Variants in PDE4D observed in about 807,000 individuals in gnomAD.
The protein encoded by PDE4D is phosphodiesterase 4D, also known as 3',5'-cyclic-AMP phosphodiesterase 4D.
In PDE4D, 24 loss-of-function variants were observed where a neutral mutation model predicts 87.4. The ratio of observed to expected loss-of-function variants is 0.27; its 90% CI spans 0.20 to 0.39. The LOEUF is 0.39. PDE4D is among the 10% of genes least tolerant of loss of function. The pLI, the probability that PDE4D is intolerant of heterozygous loss-of-function variation, is 1.00. For synonymous variants in PDE4D, 384 were observed against 383.2 expected (o/e 1.00, Z -0.02); for missense variants, 714 against 1,041.0 (o/e 0.69, Z 4.32).
At chr5:60,050,749 T>C (rs959551582) in intron 2 of PDE4D, among the ~76,000 whole-genome samples, 2 of 152,090 alleles carry the variant, frequency 1.3e-5, no homozygotes, top group African/African-American at 4.8e-5. Context: ...GCAAATTGGA[T>C]AAAGAGGCAA....
At chr5:60,011,209 C>T (rs543975709) in intron 2 of PDE4D, among the ~76,000 whole-genome samples, 4 of 152,130 alleles carry the variant, frequency 2.6e-5, no homozygotes, top group Non-Finnish European at 5.9e-5. Flanking sequence ...TGGACAGCTC[C>T]TCCTAAGTGG....
At position 59,530,988 on chromosome 5, in the gene PDE4D, T is replaced by C. The variant is rs184611664; in HGVS notation, c.456-315020A>G. On this transcript the variant is annotated intron_variant, in intron 1 of 14. Transcript: ENST00000340635. ...AAGTGATTGTAAGAATTCATCTTCT[T>C]TGAATACGGTGTATTGAATTTCTTA... Among the ~76,000 whole-genome samples the C allele has an allele frequency of 3.3e-5, 5 of 152,326 alleles. No homozygotes were observed. The East Asian group carries it at 9.6e-4, about 29-fold the overall frequency.
intron 1 of PDE4D, among the ~76,000 whole-genome samples, chr5:59,716,593 G>A (rs1292762277): frequency 6.6e-6 from 1 of 152,142 alleles, no homozygotes; most frequent in Non-Finnish European, 1.5e-5. Flanking sequence ...TCTGGTCACG[G>A]ACCTCAAAGA....
At chr5:59,613,465 T>A (rs1829255403) in intron 1 of PDE4D, among the ~76,000 whole-genome samples, 1 of 152,042 alleles carries the variant, frequency 6.6e-6, no homozygotes, top group Non-Finnish European at 1.5e-5. Flanking sequence ...GACTTTGAAG[T>A]CTTGTGATTA....
chr5:59,802,553 C>T (rs2152667654), intron 1 of PDE4D, among the ~76,000 whole-genome samples: 1 of 151,986 alleles, frequency 6.6e-6, no homozygotes, highest in East Asian at 1.9e-4. Flanking sequence ...TGCAAACCAC[C>T]ACGCTCAGCT....
At position 60,317,908 on chromosome 5, in the gene PDE4D, A is replaced by G. The variant is rs563775523; in HGVS notation, c.-89-132221T>C. On this transcript the variant is annotated intron_variant, in intron 1 of 16. Transcript: ENST00000502484. Reference sequence around the variant, plus strand: ...TTGCTAAGGAGAGCTTTACTTCCAAATATGTGGTCAATTTTGGAATAAGTG... The same window carrying G: ...TTGCTAAGGAGAGCTTTACTTCCAAGTATGTGGTCAATTTTGGAATAAGTG... Among the ~76,000 whole-genome samples the G allele has an allele frequency of 7.5e-4, 114 of 152,246 alleles. No individual in the cohort carries two copies. In the Middle Eastern group the frequency reaches 0.017, roughly 23 times the overall value.
At chr5:60,006,444 C>G (rs958177150) in intron 2 of PDE4D, among the ~76,000 whole-genome samples, 3 of 151,746 alleles carry the variant, frequency 2.0e-5, no homozygotes, top group Non-Finnish European at 4.4e-5. Context: ...GGTATCCCTG[C>G]AAGCAGAAGA....
Position 59,430,499 on chromosome 5 carries a change from A to T in PDE4D, c.456-214531T>A, listed in dbSNP as rs781631486. ...GGGAAGGCTGGAAAGAACATGTCAGATAATAGATTTCAGACATATGCTGCT... is the reference window on the plus strand; with the variant it reads ...GGGAAGGCTGGAAAGAACATGTCAGTTAATAGATTTCAGACATATGCTGCT... On this transcript the variant is annotated intron_variant, in intron 1 of 14. Coordinates refer to ENST00000340635, the MANE Select transcript of PDE4D (RefSeq NM_001104631.2). 431 of 1,120,270 alleles carry T rather than the reference A, an allele frequency of 3.8e-4. 1 individual carries two copies. The highest frequency in any genetic ancestry group is 4.7e-4 in the Non-Finnish European group (419 of 887,200). The allele number at this position is 1,120,270 out of a possible 1,614,324, so 69.4% of individuals were successfully genotyped here.
intron 11 of PDE4D, among the ~76,000 whole-genome samples, chr5:58,977,847 A>G (rs992946461): frequency 6.6e-6 from 1 of 152,220 alleles, no homozygotes; most frequent in African/African-American, 2.4e-5. Context: ...TTGCTCATGT[A>G]TAGCTCTGAA....
chr5:59,088,910 A>G (rs1389867940), intron 5 of PDE4D, among the ~76,000 whole-genome samples: 4 of 152,206 alleles, frequency 2.6e-5, no homozygotes, highest in Non-Finnish European at 5.9e-5. Context: ...TATGTAACAA[A>G]TCTGTACATG....
At chr5:59,237,176 C>T (rs1756624326) in intron 1 of PDE4D, among the ~76,000 whole-genome samples, 1 of 152,136 alleles carries the variant, frequency 6.6e-6, no homozygotes, top group Non-Finnish European at 1.5e-5. Context: ...GTTCTTCCTT[C>T]CACAATTCCA....
rs929748463 is a variant in PDE4D, at chr5:60,371,339, G to A, written c.-90+116603C>T. Among the ~76,000 whole-genome samples the A allele has an allele frequency of 2.6e-5, 4 of 152,282 alleles. No individual in the cohort carries two copies. The South Asian group carries it at 6.2e-4, about 24-fold the overall frequency. ...CAAGATGCTGCTCCCCGTTCAGTCC[G>A]CCATGTGGTGATTCTCTTTCTCCTG... On this transcript the variant is annotated intron_variant, in intron 1 of 16. Transcript: ENST00000502484.
At chr5:59,738,998 G>A (rs1026154231) in intron 1 of PDE4D, among the ~76,000 whole-genome samples, 2 of 152,032 alleles carry the variant, frequency 1.3e-5, no homozygotes, top group African/African-American at 4.8e-5. Flanking sequence ...GCTTTTATAT[G>A]AATGAAAGTC....
chr5:59,695,999 T>G (rs539491535), intron 1 of PDE4D, among the ~76,000 whole-genome samples: 74 of 152,340 alleles, frequency 4.9e-4, no homozygotes, highest in African/African-American at 1.4e-3. Flanking sequence ...TTTGAATCAT[T>G]ATGTGCTAAT....
At chr5:59,983,404 CA>C (rs1762115454) in intron 3 of PDE4D, among the ~76,000 whole-genome samples, 1 of 151,332 alleles carries the variant, frequency 6.6e-6, no homozygotes, top group South Asian at 2.1e-4. Flanking sequence ...CCAACATATT[CA>C]AAGTAAACAT....
chr5:59,865,603 T>A (rs1220277505), intron 1 of PDE4D, among the ~76,000 whole-genome samples: 1 of 152,190 alleles, frequency 6.6e-6, no homozygotes, highest in Non-Finnish European at 1.5e-5. Flanking sequence ...AAGACACTAT[T>A]TTGAGACAGA....
intron 1 of PDE4D, among the ~76,000 whole-genome samples, chr5:59,414,382 C>T (rs1018693138): frequency 6.6e-6 from 1 of 152,188 alleles, no homozygotes; most frequent in Non-Finnish European, 1.5e-5. Context: ...CCGCAGTCTT[C>T]ATCATGGAAG....
At chr5:59,032,147 T>C (rs1757662764) in intron 6 of PDE4D, among the ~76,000 whole-genome samples, 1 of 152,228 alleles carries the variant, frequency 6.6e-6, no homozygotes, top group Non-Finnish European at 1.5e-5. Context: ...TAATTAGCTT[T>C]ACTAAATCTT....
chr5:59,112,350 T>C (rs1196651708), intron 5 of PDE4D, among the ~76,000 whole-genome samples: 1 of 152,192 alleles, frequency 6.6e-6, no homozygotes, highest in Admixed American at 6.5e-5. Context: ...TAATCACTTT[T>C]AACTCTGAGG....
Sources: gnomAD v4.1 joint callset for allele counts (sites outside exome capture counted in the v4.1 genomes callset) on GRCh38, gnomAD v4.1.1 for gene constraint, MANE v1.5 for transcripts, NCBI Gene and HGNC (gene_info 2026-07-23, HGNC 2026-07-21) for gene names.